The following HLCS variants were observed in gnomAD, a reference collection of about 807,000 sequenced individuals.
The protein encoded by HLCS is holocarboxylase synthetase, also known as biotin--protein ligase.
In HLCS, 53 loss-of-function variants were observed where a neutral mutation model predicts 75.0. That is an observed-to-expected ratio of 0.71 (90% confidence interval 0.57 to 0.89). HLCS has a LOEUF of 0.89. Ranked by LOEUF, HLCS falls within the 40% of genes least tolerant of loss-of-function variation. The probability of loss-of-function intolerance (pLI) is 0.00; values close to 1 mark genes in which losing one functional copy is unlikely to be tolerated. For missense variants in HLCS, 966 were observed against 1,074.0 expected (o/e 0.90, Z 1.41); for synonymous variants, 431 against 428.6 (o/e 1.01, Z -0.07).
At chr21:36,908,484 T>C (rs553538194) in intron 5 of HLCS, among the ~76,000 whole-genome samples, 1 of 151,754 alleles carries the variant, frequency 6.6e-6, no homozygotes, top group South Asian at 2.1e-4. Context: ...GAATGTAAAA[T>C]GGTACAATGG....
intron 6 of HLCS, among the ~76,000 whole-genome samples, chr21:36,841,864 C>T (rs2062627929): frequency 6.6e-6 from 1 of 152,160 alleles, no homozygotes; most frequent in Admixed American, 6.5e-5. Flanking sequence ...ATTCGAATGT[C>T]ACTCCTGAAA....
At chr21:36,882,620 C>CTT (rs35012674) in intron 6 of HLCS, among the ~76,000 whole-genome samples, 13 of 104,434 alleles carry the variant, frequency 1.2e-4, no homozygotes, top group African/African-American at 3.3e-4. Flanking sequence ...TTCTTTCTTT[C>CTT]TTTTTTTTTT....
intron 3 of HLCS, 24 bp from the exon 4 acceptor site, chr21:36,937,416 G>A (rs1462758648): frequency 6.3e-7 from 1 of 1,580,828 alleles, no homozygotes. Flanking sequence ...AGGAGAGAGA[G>A]ACAGAAAATT....
At position 36,927,975 on chromosome 21, in the gene HLCS, G is replaced by A. The variant is rs576733372; in HGVS notation, c.1620+2276C>T. 3.3e-5 allele frequency among the ~76,000 whole-genome samples: 5 copies of A among 152,230 alleles called. No homozygotes were observed. The East Asian group carries it at 7.7e-4, about 24-fold the overall frequency. ...GATCCTCTCCATGGAACTTAATTCC[G>A]TGAGGATGACTGAGATCTGTTAAGT... is the stretch of plus-strand genomic sequence containing the variant. On this transcript the variant is annotated intron_variant, in intron 5 of 10. Transcript: ENST00000674895.
intron 6 of HLCS, among the ~76,000 whole-genome samples, chr21:36,820,999 G>A (rs781232255): frequency 7.2e-5 from 11 of 152,194 alleles, no homozygotes; most frequent in Non-Finnish European, 1.0e-4. Flanking sequence ...CGCCTGGGAC[G>A]TGAGGGTGCC....
rs567997346 is a variant in HLCS, at chr21:36,787,294, G to C, written c.1893-20009C>G. On this transcript the variant is annotated intron_variant, in intron 6 of 10. Transcript: ENST00000674895. The stretch of plus-strand genomic sequence containing the variant: ...CGTGGGACGAGGCACCTCTTTGGTA[G>C]GCCATTTGCACTCCAGCACGGCCTC... Among the ~76,000 whole-genome samples the C allele has an allele frequency of 3.9e-5, 6 of 152,078 alleles. No homozygotes were observed. In the South Asian group the frequency reaches 1.2e-3, roughly 32 times the overall value.
At chr21:36,869,585 T>C (rs924051279) in intron 6 of HLCS, among the ~76,000 whole-genome samples, 2 of 152,226 alleles carry the variant, frequency 1.3e-5, no homozygotes, top group Non-Finnish European at 2.9e-5. Flanking sequence ...TAAAAAGCAC[T>C]GTGAGAACAC....
chr21:36,765,394 T>C (rs1023867199), intron 7 of HLCS, among the ~76,000 whole-genome samples: 1 of 152,266 alleles, frequency 6.6e-6, no homozygotes, highest in African/African-American at 2.4e-5. Context: ...GTTCTGCTTC[T>C]GTGAGCATAT....
At chr21:36,943,312 A>C (rs2146561320) in intron 2 of HLCS, 1 of 152,916 alleles carries the variant, frequency 6.5e-6, no homozygotes, top group Non-Finnish European at 1.5e-5. Context: ...CCTTCACAAA[A>C]GAAACAAACT....
Position 36,754,425 on chromosome 21 carries a change from G to C in HLCS, c.2451-8C>G, listed in dbSNP as rs373177254. On this transcript the variant is annotated splice_polypyrimidine_tract_variant and splice_region_variant and intron_variant, in intron 10 of 10. Transcript: ENST00000674895. The stretch of plus-strand genomic sequence containing the variant: ...AGATGGACTTGCTGACCACTGAAAA[G>C]GAAGAACAGCGTGCGGTCACTGGGA... 55 of 1,610,594 alleles carry C rather than the reference G, an allele frequency of 3.4e-5. No homozygotes were observed. Among genetic ancestry groups the C allele is most frequent in the Non-Finnish European group, 4.4e-5 (52 of 1,179,784 alleles).
At chr21:36,868,081 C>T (rs2063621094) in intron 6 of HLCS, among the ~76,000 whole-genome samples, 1 of 151,356 alleles carries the variant, frequency 6.6e-6, no homozygotes, top group Admixed American at 6.6e-5. Flanking sequence ...AATGGGGAGG[C>T]AGAGGTTGTA....
At chr21:36,775,711 A>G (rs1601191493) in intron 6 of HLCS, among the ~76,000 whole-genome samples, 1 of 151,878 alleles carries the variant, frequency 6.6e-6, no homozygotes. Flanking sequence ...TTTTTCTACA[A>G]CTGGGTGTGG....
chr21:36,903,203 C>T (rs1343383083), intron 5 of HLCS, among the ~76,000 whole-genome samples: 1 of 152,052 alleles, frequency 6.6e-6, no homozygotes, highest in Admixed American at 6.6e-5. Context: ...TACAGAATAC[C>T]AAGATATATT....
chr21:36,771,789 A>T (rs1601172271), intron 6 of HLCS, among the ~76,000 whole-genome samples: 1 of 152,158 alleles, frequency 6.6e-6, no homozygotes, highest in Non-Finnish European at 1.5e-5. Flanking sequence ...ACTTGAGGTC[A>T]GGAGTTCGGG....
At chr21:36,777,867 T>C (rs1489184709) in intron 6 of HLCS, among the ~76,000 whole-genome samples, 1 of 152,248 alleles carries the variant, frequency 6.6e-6, no homozygotes, top group Non-Finnish European at 1.5e-5. Context: ...CCTTTGTAAT[T>C]AATAAGCACT....
intron 6 of HLCS, among the ~76,000 whole-genome samples, chr21:36,869,561 T>C (rs562873724): frequency 1.3e-5 from 2 of 152,338 alleles, no homozygotes; most frequent in Admixed American, 6.5e-5. Flanking sequence ...ACTTTCAAAA[T>C]GCCCTTTGCT....
At chr21:36,961,088 G>A (rs1311166393) in intron 2 of HLCS, among the ~76,000 whole-genome samples, 2 of 152,240 alleles carry the variant, frequency 1.3e-5, no homozygotes, top group South Asian at 2.1e-4. Context: ...GAGGAGGTGC[G>A]AGGAAAAGCC....
At chr21:36,930,099 A>T (rs2066569718) in intron 5 of HLCS, 152 bp downstream of exon 5, 5 of 739,026 alleles carry the variant, frequency 6.8e-6, no homozygotes, top group Non-Finnish European at 1.2e-5. Flanking sequence ...CAAAATGAAT[A>T]TTTGCACATC....
chr21:36,816,487 C>T (rs1045302492), intron 6 of HLCS, among the ~76,000 whole-genome samples: 1 of 152,034 alleles, frequency 6.6e-6, no homozygotes, highest in Non-Finnish European at 1.5e-5. Flanking sequence ...AGTTCAGTAA[C>T]GTTGCCTGTT....
Sources: allele counts gnomAD v4.1 joint callset (sites outside exome capture counted in the v4.1 genomes callset), GRCh38; gene constraint gnomAD v4.1.1; transcripts MANE v1.5; gene names NCBI Gene and HGNC (gene_info 2026-07-23, HGNC 2026-07-21).